Variants in RAD21 observed in about 807,000 individuals in gnomAD.
RAD21 encodes RAD21 cohesin complex component.
In RAD21, 18 loss-of-function variants were observed where a neutral mutation model predicts 71.5. That is an observed-to-expected ratio of 0.25 (90% confidence interval 0.17 to 0.37). The LOEUF (loss-of-function observed/expected upper bound fraction) is 0.37. Ranked by LOEUF, RAD21 falls within the 10% of genes least tolerant of loss-of-function variation. The pLI is 1.00. For missense variants in RAD21, 493 were observed against 769.1 expected (o/e 0.64, Z 4.25); for synonymous variants, 248 against 254.0 (o/e 0.98, Z 0.22).
At chr8:116,848,872 A>AT in intron 13 of RAD21, 74 bp downstream of exon 13, 2 of 1,165,300 alleles carry the variant, frequency 1.7e-6, no homozygotes, top group African/African-American at 3.2e-5. Flanking sequence ...CCAGCATCTA[A>AT]CTTTTTTTTT....
intron 8 of RAD21, among the ~76,000 whole-genome samples, chr8:116,855,147 A>ACAAAAAG: frequency 6.6e-6 from 1 of 152,168 alleles, no homozygotes; most frequent in East Asian, 1.9e-4. Flanking sequence ...AAAAAAAAAT[A>ACAAAAAG]CAAAAAGATG....
chr8:116,866,234 T>C, intron 2 of RAD21, among the ~76,000 whole-genome samples: 1 of 148,172 alleles, frequency 6.7e-6, no homozygotes, highest in Admixed American at 6.8e-5. Context: ...GTAATACGCA[T>C]TTACAGCACT....
chr8:116,873,805 A>C (rs941974197), intron 1 of RAD21, among the ~76,000 whole-genome samples: 1 of 152,162 alleles, frequency 6.6e-6, no homozygotes, highest in Admixed American at 6.5e-5. Context: ...TTCAGCGACG[A>C]AAAGGGCATC....
chr8:116,858,604 T>C, intron 4 of RAD21, 146 bp from the exon 5 acceptor site: 1 of 521,098 alleles, frequency 1.9e-6, no homozygotes, highest in Admixed American at 3.4e-5. Context: ...CTTTCACACA[T>C]TCCAGTACAA....
At chr8:116,852,742 A>G (rs1812379441) in intron 9 of RAD21, 34 bp from the exon 10 acceptor site, 1 of 1,386,816 alleles carries the variant, frequency 7.2e-7, no homozygotes, top group African/African-American at 1.5e-5. Context: ...AATTTCAATT[A>G]TAAAATAAAT....
intron 2 of RAD21, among the ~76,000 whole-genome samples, chr8:116,864,693 A>C (rs1019667334): frequency 6.6e-6 from 1 of 152,080 alleles, no homozygotes; most frequent in Non-Finnish European, 1.5e-5. Context: ...GGGAAAAAAA[A>C]CCTCTGCTAT....
chr8:116,859,608 C>T (rs1213635381), intron 4 of RAD21, among the ~76,000 whole-genome samples: 2 of 152,062 alleles, frequency 1.3e-5, no homozygotes, highest in African/African-American at 4.8e-5. Flanking sequence ...ATAATATGGG[C>T]AAACTTAATC....
At chr8:116,862,903 C>A (rs1320239895) in intron 3 of RAD21, among the ~76,000 whole-genome samples, 5 of 152,086 alleles carry the variant, frequency 3.3e-5, no homozygotes, top group African/African-American at 1.2e-4. Flanking sequence ...AAAGGAAGAA[C>A]AAATGGGGGT....
At chr8:116,848,321 A>G (rs1812285097) in intron 13 of RAD21, among the ~76,000 whole-genome samples, 2 of 152,228 alleles carry the variant, frequency 1.3e-5, no homozygotes, top group Non-Finnish European at 2.9e-5. Context: ...AGAAAGTCCA[A>G]GAAACCAGCA....
intron 1 of RAD21, among the ~76,000 whole-genome samples, chr8:116,871,141 G>A (rs530769753): frequency 9.9e-5 from 15 of 152,142 alleles, no homozygotes; most frequent in Non-Finnish European, 1.9e-4. Context: ...AGGAGAAAGT[G>A]TAATTATAAT....
At chr8:116,856,601 A>G (rs1196999021) in intron 7 of RAD21, 45 bp downstream of exon 7, 1 of 1,525,318 alleles carries the variant, frequency 6.6e-7, no homozygotes. Flanking sequence ...ATCTTTCTGG[A>G]TGCCATACAA....
rs75618290 is a variant in RAD21, at chr8:116,848,691, T to C, written c.1704+255A>G. Among the ~76,000 whole-genome samples the C allele has an allele frequency of 7.9e-3, 1,196 of 151,768 alleles. 13 individuals carry two copies. Among genetic ancestry groups the C allele is most frequent in the African/African-American group, 0.028 (1,141 of 41,342 alleles). On this transcript the variant is annotated intron_variant, in intron 13 of 13. Coordinates refer to ENST00000297338, the MANE Select transcript of RAD21 (RefSeq NM_006265.3). ...TGCTTTTCAGGAAAACCACAAGCATTCTCCTCCATGCTTTTCCGGCTTACT... is the reference window on the plus strand; with the variant it reads ...TGCTTTTCAGGAAAACCACAAGCATCCTCCTCCATGCTTTTCCGGCTTACT...
chr8:116,850,858 A>G, intron 11 of RAD21, 91 bp from the exon 12 acceptor site: 1 of 862,046 alleles, frequency 1.2e-6, no homozygotes, highest in South Asian at 1.8e-5. Flanking sequence ...GAAGTTTTCT[A>G]GTCAAAAAGA....
chr8:116,850,849 A>C, intron 11 of RAD21, 82 bp from the exon 12 acceptor site: 1 of 976,280 alleles, frequency 1.0e-6, no homozygotes, highest in Non-Finnish European at 1.5e-6. Context: ...ACAGTGGCTG[A>C]AGTTTTCTAG....
chr8:116,869,582 A>G (rs1406675130), intron 1 of RAD21, among the ~76,000 whole-genome samples: 1 of 152,142 alleles, frequency 6.6e-6, no homozygotes, highest in Admixed American at 6.5e-5. Flanking sequence ...AAGACTCTGT[A>G]TAAAAAGAAA....
intron 3 of RAD21, among the ~76,000 whole-genome samples, chr8:116,862,722 A>T (rs1812614734): frequency 6.6e-6 from 1 of 152,170 alleles, no homozygotes; most frequent in African/African-American, 2.4e-5. Flanking sequence ...ACAAAATAAC[A>T]AAAAACTACG....
At position 116,852,089 on chromosome 8, in the gene RAD21, G is replaced by A. The variant is rs765533095; in HGVS notation, c.1329C>T (p.Pro443=). The change falls in exon 11 of 14, where the codon CCC becomes CCT. Residue 443 remains proline (P), a synonymous_variant. Transcript: ENST00000297338. Reference sequence around the variant, plus strand: ...GGAGGCGGCTTGGCTCTTCAATAATGGGCTCATCTGCAATTGGTCATATGA... The same window carrying A: ...GGAGGCGGCTTGGCTCTTCAATAATAGGCTCATCTGCAATTGGTCATATGA... The part of the protein sequence containing the change: ...QHQQRDVIDE[P]IIEEPSRLQE... The A allele has an allele frequency of 3.7e-6, 6 of 1,602,632 alleles. No individual in the cohort carries two copies. The highest frequency in any genetic ancestry group is 3.3e-5 in the Admixed American group (2 of 59,756).
At chr8:116,853,025 T>C (rs1213437951) in intron 9 of RAD21, among the ~76,000 whole-genome samples, 2 of 152,218 alleles carry the variant, frequency 1.3e-5, no homozygotes, top group Non-Finnish European at 2.9e-5. Context: ...TCATACAAAA[T>C]AGCTTTAAAT....
In RAD21 at chr8:116,857,470, T is replaced by C; in HGVS notation, c.485A>G (p.Asp162Gly). ...TATCTCACGATCATCCATTCCAAAA[T>C]CACCTAAACAAATTTTAATTTGTCA... ...ISILQENDFGDFGMDDREIMR... is the reference protein window; with the variant it reads ...ISILQENDFGGFGMDDREIMR... Residue 162 changes from aspartate to glycine, a missense_variant, in exon 6 of 14, where the codon GAT (aspartate) becomes GGT (glycine). By Grantham distance (94) the Asp-to-Gly change is moderately conservative (BLOSUM62 -1). Coordinates refer to ENST00000297338, the MANE Select transcript of RAD21 (RefSeq NM_006265.3). 6.2e-7 allele frequency: 1 copy of C among 1,611,974 alleles called. No homozygotes were observed. The highest frequency in any genetic ancestry group is 8.5e-7 in the Non-Finnish European group (1 of 1,178,890).
Sources: allele counts gnomAD v4.1 joint callset (sites outside exome capture counted in the v4.1 genomes callset), GRCh38; gene constraint gnomAD v4.1.1; transcripts MANE v1.5; gene names NCBI Gene and HGNC (gene_info 2026-07-23, HGNC 2026-07-21).